The following VAV3 variants were observed in gnomAD, a reference collection of about 807,000 sequenced individuals.
VAV3 encodes vav guanine nucleotide exchange factor 3.
In VAV3, 94 loss-of-function variants were observed where a neutral mutation model predicts 131.2. The ratio of observed to expected loss-of-function variants is 0.72; its 90% CI spans 0.61 to 0.85. The LOEUF is 0.85. Ranked by LOEUF, VAV3 falls within the 40% of genes least tolerant of loss-of-function variation. The pLI is 0.00. For synonymous variants in VAV3, 349 were observed against 342.0 expected, an observed-to-expected ratio of 1.02 and a Z score of -0.22; for missense variants, 939 against 1,002.7, an observed-to-expected ratio of 0.94 and a Z score of 0.86.
At chr1:107,958,146 A>C (rs777253926) in intron 1 of VAV3, among the ~76,000 whole-genome samples, 2 of 152,228 alleles carry the variant, frequency 1.3e-5, no homozygotes, top group East Asian at 3.9e-4. Flanking sequence ...CAAATGGCAA[A>C]GAGGTTAATG....
intron 6 of VAV3, among the ~76,000 whole-genome samples, chr1:107,769,324 A>C (rs920044235): frequency 2.6e-5 from 4 of 152,228 alleles, no homozygotes; most frequent in African/African-American, 9.6e-5. Flanking sequence ...CTATCTAAGA[A>C]GTTAAGCATG....
intron 9 of VAV3, 31 bp from the exon 10 acceptor site, chr1:107,760,910 G>A (rs758290477): frequency 6.5e-7 from 1 of 1,542,014 alleles, no homozygotes; most frequent in African/African-American, 1.4e-5. Flanking sequence ...CACTTTGTTA[G>A]GGAGTCATAA....
intron 19 of VAV3, among the ~76,000 whole-genome samples, chr1:107,682,958 A>G (rs1488266506): frequency 6.6e-6 from 1 of 152,242 alleles, no homozygotes; most frequent in African/African-American, 2.4e-5. Flanking sequence ...AATGCTAAAT[A>G]GAAAACAACT....
chr1:107,772,168 C>T (rs1374789272), intron 5 of VAV3, among the ~76,000 whole-genome samples: 1 of 152,098 alleles, frequency 6.6e-6, no homozygotes, highest in Non-Finnish European at 1.5e-5. Flanking sequence ...CAAAGTAATC[C>T]TTTCTGAATG....
intron 15 of VAV3, among the ~76,000 whole-genome samples, chr1:107,730,160 G>C (rs1662135728): frequency 6.6e-6 from 1 of 152,172 alleles, no homozygotes; most frequent in Non-Finnish European, 1.5e-5. Flanking sequence ...TTCAAATTTG[G>C]TTCTCCCCAG....
chr1:107,859,013 A>C (rs1669610348), intron 2 of VAV3, among the ~76,000 whole-genome samples: 1 of 151,448 alleles, frequency 6.6e-6, no homozygotes, highest in Admixed American at 6.6e-5. Context: ...TTGTTTAGCC[A>C]GATAAAAATC....
chr1:107,773,652 G>A (rs993714113), intron 4 of VAV3, among the ~76,000 whole-genome samples: 1 of 152,184 alleles, frequency 6.6e-6, no homozygotes, highest in African/African-American at 2.4e-5. Flanking sequence ...GGAAGGAAGA[G>A]GAAGGAGCTT....
At chr1:107,869,288 AAT>A (rs1422709815) in intron 2 of VAV3, among the ~76,000 whole-genome samples, 2 of 152,192 alleles carry the variant, frequency 1.3e-5, no homozygotes, top group Non-Finnish European at 2.9e-5. Flanking sequence ...AATAAAATAA[AAT>A]AGTGCTATAC....
At chr1:107,724,136 C>A (rs998786968) in intron 15 of VAV3, among the ~76,000 whole-genome samples, 4 of 151,924 alleles carry the variant, frequency 2.6e-5, no homozygotes, top group Admixed American at 2.6e-4. Context: ...AAAATGGTAT[C>A]TCCAATCATA....
chr1:107,633,994 T>C (rs893868439), intron 20 of VAV3, among the ~76,000 whole-genome samples: 3 of 152,030 alleles, frequency 2.0e-5, no homozygotes, highest in African/African-American at 7.2e-5. Flanking sequence ...TGTTATATAA[T>C]AATCACAAAA....
At chr1:107,683,932 C>G (rs1557760309) in intron 18 of VAV3, among the ~76,000 whole-genome samples, 1 of 152,164 alleles carries the variant, frequency 6.6e-6, no homozygotes, top group Non-Finnish European at 1.5e-5. Context: ...AAAACTCTAA[C>G]TCAGCTATTT....
intron 15 of VAV3, among the ~76,000 whole-genome samples, chr1:107,706,767 G>A (rs1660480755): frequency 6.6e-6 from 1 of 152,194 alleles, no homozygotes; most frequent in Non-Finnish European, 1.5e-5. Context: ...GGTCATAGAT[G>A]ATTTGTCAAA....
chr1:107,948,061 G>A (rs1298443148), intron 1 of VAV3, among the ~76,000 whole-genome samples: 1 of 152,130 alleles, frequency 6.6e-6, no homozygotes, highest in East Asian at 1.9e-4. Flanking sequence ...ATGCTGAATG[G>A]CTAAGTTTTG....
chr1:107,600,858 C>G (rs1651798160), intron 24 of VAV3, among the ~76,000 whole-genome samples: 1 of 152,168 alleles, frequency 6.6e-6, no homozygotes, highest in African/African-American at 2.4e-5. Flanking sequence ...CTTTGCTTGT[C>G]TCCTCTGATG....
intron 15 of VAV3, among the ~76,000 whole-genome samples, chr1:107,722,736 G>A (rs1475502016): frequency 6.6e-6 from 1 of 151,548 alleles, no homozygotes; most frequent in Non-Finnish European, 1.5e-5. Flanking sequence ...CCGAGGCGCT[G>A]TTTCATCCTT....
intron 25 of VAV3, among the ~76,000 whole-genome samples, chr1:107,590,552 C>T (rs993995894): frequency 6.6e-6 from 1 of 152,180 alleles, no homozygotes; most frequent in East Asian, 1.9e-4. Context: ...AGACCACTCT[C>T]CTCAGTGCCA....
intron 2 of VAV3, among the ~76,000 whole-genome samples, chr1:107,859,078 T>G (rs1382817584): frequency 2.0e-5 from 3 of 151,702 alleles, no homozygotes; most frequent in East Asian, 1.9e-4. Context: ...GAGGAGTTTT[T>G]TTTTTTTTTT....
rs142052485 is a variant in VAV3 at position 107,673,031 on chromosome 1, A to G, written c.1777+10457T>C. Among the ~76,000 whole-genome samples the G allele has an allele frequency of 2.3e-3, 354 of 152,332 alleles. 5 individuals carry two copies. Among genetic ancestry groups the G allele is most frequent in the Admixed American group, 0.021 (322 of 15,298 alleles). ...GCTTTGACCCAGATATTGTACCTCT[A>G]TGACGCCATTGTTAAATAATAATCA... On this transcript the variant is annotated intron_variant, in intron 19 of 26. Transcript: ENST00000370056.
chr1:107,596,940 A>G (rs1013651531), intron 24 of VAV3, among the ~76,000 whole-genome samples: 2 of 152,186 alleles, frequency 1.3e-5, no homozygotes, highest in African/African-American at 4.8e-5. Context: ...CTTATAAATA[A>G]TTTGTCTTAA....
Sources: gnomAD v4.1 joint callset for allele counts (sites outside exome capture counted in the v4.1 genomes callset) on GRCh38, gnomAD v4.1.1 for gene constraint, MANE v1.5 for transcripts, NCBI Gene and HGNC (gene_info 2026-07-23, HGNC 2026-07-21) for gene names.